The following GLMN variants were observed in gnomAD, a reference collection of about 807,000 sequenced individuals.
The protein encoded by GLMN is glomulin, FKBP associated protein.
A neutral mutation model predicts 87.8 loss-of-function variants in GLMN; 75 were observed. The observed-to-expected ratio is 0.85, with a 90% CI of 0.71 to 1.04. GLMN has a LOEUF of 1.04. Ranked by LOEUF, GLMN falls within the 50% of genes least tolerant of loss-of-function variation. GLMN has a pLI of 0.00. For missense variants in GLMN, 588 were observed against 658.8 expected (o/e 0.89, Z 1.18); for synonymous variants, 206 against 221.6 (o/e 0.93, Z 0.63).
At chr1:92,324,401 TC>T in the GLMN span, 11 of 1,537,218 alleles carry the variant, frequency 7.2e-6, no homozygotes, top group Middle Eastern at 5.2e-4. Context: ...ATTGAGTTTT[TC>T]CAGATCGTTA....
the GLMN span, among the ~76,000 whole-genome samples, chr1:92,322,738 G>A: frequency 8.7e-5 from 13 of 149,816 alleles, no homozygotes; most frequent in Admixed American, 1.3e-4. Flanking sequence ...TTAGCCAGGC[G>A]TGGTGGTGCC....
chr1:92,268,665 C>T (rs1353939934), intron 9 of GLMN, among the ~76,000 whole-genome samples: 1 of 152,138 alleles, frequency 6.6e-6, no homozygotes, highest in African/African-American at 2.4e-5. Flanking sequence ...CCAGGAGACC[C>T]TTGGAAATTC....
At chr1:92,279,399 G>A (rs1410824719) in intron 7 of GLMN, among the ~76,000 whole-genome samples, 1 of 145,960 alleles carries the variant, frequency 6.9e-6, no homozygotes, top group Non-Finnish European at 1.5e-5. Context: ...GGAGGTTGCA[G>A]TGAGCTGAGA....
At chr1:92,261,844 A>G (rs1008219958) in intron 16 of GLMN, among the ~76,000 whole-genome samples, 1 of 152,156 alleles carries the variant, frequency 6.6e-6, no homozygotes, top group African/African-American at 2.4e-5. Context: ...CAGAGGGTGG[A>G]GTGATAGATA....
intron 8 of GLMN, among the ~76,000 whole-genome samples, 192 bp from the exon 9 acceptor site, chr1:92,269,968 A>G (rs1296349102): frequency 2.6e-5 from 4 of 152,192 alleles, no homozygotes; most frequent in Non-Finnish European, 5.9e-5. Context: ...TGAGATTATT[A>G]GGGTGGGCCC....
At chr1:92,257,165 A>G (rs1654383926) in intron 16 of GLMN, among the ~76,000 whole-genome samples, 1 of 152,202 alleles carries the variant, frequency 6.6e-6, no homozygotes, top group Admixed American at 6.5e-5. Context: ...CTACAAAGAG[A>G]ATAAAATACC....
the GLMN span, among the ~76,000 whole-genome samples, chr1:92,325,495 A>AT: frequency 6.6e-6 from 1 of 152,100 alleles, no homozygotes; most frequent in Non-Finnish European, 1.5e-5. Context: ...TTATTTTATC[A>AT]TTTTGTCCTT....
At chr1:92,357,094 T>TACACACACACACACACACAC in the GLMN span, among the ~76,000 whole-genome samples, 2 of 144,756 alleles carry the variant, frequency 1.4e-5, no homozygotes, top group African/African-American at 5.1e-5. Flanking sequence ...AAGGATTACA[T>TACACACACACACACACACAC]ACACACACAC....
chr1:92,269,697 T>C, intron 9 of GLMN, 26 bp downstream of exon 9: 2 of 1,523,076 alleles, frequency 1.3e-6, no homozygotes, highest in African/African-American at 1.4e-5. Context: ...CTATTTCATT[T>C]TGAGATACCA....
rs2100758534 is a variant in GLMN, at chr1:92,246,473, A to G, written c.*57T>C. 1.3e-6 allele frequency: 1 copy of G among 798,244 alleles called. No individual in the cohort carries two copies. 49.4% of individuals were successfully genotyped at this position (798,244 alleles called of 1,614,324 possible). On this transcript the variant is annotated 3_prime_UTR_variant, in exon 19 of 19. Coordinates refer to ENST00000370360, the MANE Select transcript of GLMN (RefSeq NM_053274.3). The stretch of plus-strand genomic sequence containing the variant: ...GAAAAATTTTTTATAAAGGTATTAA[A>G]TGAATCATAATGGAAAGTACTATAT...
rs977563638 is a variant in GLMN, at chr1:92,285,656, C to A, written c.735+834G>T. On this transcript the variant is annotated intron_variant, in intron 7 of 18. Transcript: ENST00000370360. ...TACATACATGCTCAATCCCTTGCCC[C>A]CCTCTTGCTCTCTACAACTTACCCT... Among the ~76,000 whole-genome samples, 7 of 152,186 alleles carry A rather than the reference C, an allele frequency of 4.6e-5. No individual in the cohort carries two copies. In the South Asian group the frequency reaches 1.0e-3, roughly 23 times the overall value.
chr1:92,260,467 TTAGCTGGTGTGGTGG>T (rs1165767291), intron 16 of GLMN, among the ~76,000 whole-genome samples: 15 of 150,722 alleles, frequency 1.0e-4, no homozygotes, highest in African/African-American at 3.7e-4. Context: ...AATACAAAAA[TTAGCTGGTGTGGTGG>T]TGCCTGGCTG....
At chr1:92,368,184 G>A in the GLMN span, among the ~76,000 whole-genome samples, 1 of 152,110 alleles carries the variant, frequency 6.6e-6, no homozygotes, top group African/African-American at 2.4e-5. Flanking sequence ...TTTGAGACCA[G>A]CCTGGCCAAC....
At chr1:92,255,060 ATTAT>A (rs1391952160) in intron 16 of GLMN, among the ~76,000 whole-genome samples, 3 of 151,674 alleles carry the variant, frequency 2.0e-5, no homozygotes, top group Admixed American at 6.6e-5. Flanking sequence ...GGGATGAAGG[ATTAT>A]TTACCAAGCA....
At chr1:92,368,545 T>C in the GLMN span, among the ~76,000 whole-genome samples, 1 of 152,196 alleles carries the variant, frequency 6.6e-6, no homozygotes, top group East Asian at 1.9e-4. Context: ...TCCAAAATTA[T>C]GGGTACCTTA....
At chr1:92,323,019 T>C in the GLMN span, among the ~76,000 whole-genome samples, 9 of 146,846 alleles carry the variant, frequency 6.1e-5, no homozygotes, top group African/African-American at 2.2e-4. Context: ...ATATATACTT[T>C]ATATTTTTAT....
chr1:92,360,637 T>C, the GLMN span, among the ~76,000 whole-genome samples: 1 of 152,144 alleles, frequency 6.6e-6, no homozygotes, highest in African/African-American at 2.4e-5. Flanking sequence ...TTTGCCTCTT[T>C]TTCTTTCCTA....
chr1:92,353,724 T>G, the GLMN span, among the ~76,000 whole-genome samples: 3 of 152,308 alleles, frequency 2.0e-5, no homozygotes, highest in African/African-American at 7.2e-5. Flanking sequence ...ACCTGTTTAC[T>G]GAGGATTAAG....
chr1:92,256,070 C>T (rs1469662777), intron 16 of GLMN, among the ~76,000 whole-genome samples: 2 of 152,076 alleles, frequency 1.3e-5, no homozygotes, highest in African/African-American at 4.8e-5. Flanking sequence ...AAGGGTATAT[C>T]ACCACTGATC....
Sources: gnomAD v4.1 joint callset for allele counts (sites outside exome capture counted in the v4.1 genomes callset) on GRCh38, gnomAD v4.1.1 for gene constraint, MANE v1.5 for transcripts, NCBI Gene and HGNC (gene_info 2026-07-23, HGNC 2026-07-21) for gene names.